PKIB: variants seen among roughly 807,000 people sequenced by gnomAD.
The protein encoded by PKIB is PKI-beta.
Under a neutral mutation model 4.5 loss-of-function variants are expected in PKIB, and 2 were observed. The ratio of observed to expected loss-of-function variants is 0.44; its 90% CI spans 0.18 to 1.39. The LOEUF (loss-of-function observed/expected upper bound fraction) is 1.39, where lower values mean the gene tolerates loss of function less well. Among genes scored for constraint, PKIB ranks in the 40% most tolerant of loss-of-function variants. The pLI, the probability that PKIB is intolerant of heterozygous loss-of-function variation, is 0.27. For missense variants in PKIB, 94 were observed against 92.6 expected (o/e 1.02, Z -0.06); for synonymous variants, 38 against 36.0 (o/e 1.06, Z -0.20).
intron 2 of PKIB, chr6:122,481,668 GTGTGTGTGTGTT>G (rs1350646800): frequency 6.6e-6 from 1 of 151,932 alleles, no homozygotes; most frequent in African/African-American, 2.4e-5. Context: ...CAGTATGTAT[GTGTGTGTGTGTT>G]TGTGTGTGTA....
intron 3 of PKIB, among the ~76,000 whole-genome samples, chr6:122,602,971 A>G (rs901924886): frequency 6.7e-6 from 1 of 149,152 alleles, no homozygotes; most frequent in Non-Finnish European, 1.5e-5. Context: ...AAAAAAAAAA[A>G]AAAAAAATAG....
intron 2 of PKIB, among the ~76,000 whole-genome samples, chr6:122,538,777 C>A (rs1156669021): frequency 6.6e-6 from 1 of 152,060 alleles, no homozygotes; most frequent in Non-Finnish European, 1.5e-5. Context: ...GGCAATATGG[C>A]CATTTTCACA....
rs182726900 is a variant in PKIB, at chr6:122,536,187, G to T, written c.-247-49734G>T. On this transcript the variant is annotated intron_variant, in intron 2 of 6. Transcript: ENST00000392491. ...ACTCGTGACCTCAAGTGATCCACCT[G>T]CCTTGGCCTCCCAAAGTGTTAAGAT... is the stretch of plus-strand genomic sequence containing the variant. Among the ~76,000 whole-genome samples, 547 of 152,234 alleles carry T rather than the reference G, an allele frequency of 3.6e-3. 4 individuals are homozygous for T. Among genetic ancestry groups the T allele is most frequent in the African/African-American group, 0.012 (506 of 41,546 alleles).
At chr6:122,497,779 C>T (rs912416045) in intron 2 of PKIB, among the ~76,000 whole-genome samples, 2 of 152,082 alleles carry the variant, frequency 1.3e-5, no homozygotes, top group Admixed American at 6.6e-5. Context: ...CTTTACCATT[C>T]CACTGATGGC....
chr6:122,676,786 T>C (rs921118477), intron 3 of PKIB, among the ~76,000 whole-genome samples: 3 of 152,344 alleles, frequency 2.0e-5, no homozygotes, highest in South Asian at 4.1e-4. Context: ...AAAAGGTGCA[T>C]TAAATGTTTA....
intron 2 of PKIB, among the ~76,000 whole-genome samples, chr6:122,641,973 G>A (rs552850938): frequency 2.0e-5 from 3 of 152,300 alleles, no homozygotes; most frequent in Admixed American, 1.3e-4. Context: ...GATTGCAGGC[G>A]TGAGCCACAG....
In PKIB at chr6:122,479,936, T is replaced by C. The variant is rs377375657; in HGVS notation, c.-248+1997T>C. On this transcript the variant is annotated intron_variant, in intron 2 of 6. Transcript: ENST00000392491. ...AGGTCCAACAGAGCTTAAAGGTATA[T>C]AGAAAAAATAATAGAAAGTTAAAAA... is the stretch of plus-strand genomic sequence containing the variant. 3.3e-5 allele frequency: 5 copies of C among 151,740 alleles called. No individual in the cohort carries two copies. In the East Asian group the frequency reaches 5.8e-4, roughly 18 times the overall value. 9.4% of individuals were successfully genotyped at this position (151,740 alleles called of 1,614,324 possible). A position where few individuals can be genotyped will look rare whatever the true frequency, so the allele number is the denominator to read the frequency against.
chr6:122,670,168 C>CTGGAAGTGGAGTATATCACTT (rs761677691), intron 2 of PKIB, among the ~76,000 whole-genome samples: 1 of 151,978 alleles, frequency 6.6e-6, no homozygotes, highest in East Asian at 1.9e-4. Context: ...AGTATGTAAC[C>CTGGAAGTGGAGTATATCACTT]TGGAAGTGGA....
chr6:122,492,368 G>A (rs1775962255), intron 2 of PKIB, among the ~76,000 whole-genome samples: 2 of 152,100 alleles, frequency 1.3e-5, no homozygotes, highest in African/African-American at 4.8e-5. Flanking sequence ...CTTAGGGAAC[G>A]TGTGCCTTTT....
intron 3 of PKIB, among the ~76,000 whole-genome samples, chr6:122,680,065 TTA>T (rs1243712397): frequency 1.3e-5 from 2 of 152,218 alleles, no homozygotes; most frequent in Admixed American, 1.3e-4. Context: ...ACTTGGGACT[TTA>T]TGGATTGTTA....
chr6:122,716,570 T>C (rs13199585), intron 3 of PKIB, among the ~76,000 whole-genome samples: 46,025 of 151,974 alleles, frequency 0.3, 8,198 homozygotes, highest in Non-Finnish European at 0.41. Flanking sequence ...TCCAAACTAT[T>C]CCTGGACTCC....
chr6:122,578,837 C>T (rs1309039048), intron 2 of PKIB, among the ~76,000 whole-genome samples: 2 of 152,124 alleles, frequency 1.3e-5, no homozygotes, highest in Non-Finnish European at 2.9e-5. Context: ...GGTCAGTTAC[C>T]CTCATGCTGT....
chr6:122,542,924 C>T (rs1777653332), intron 2 of PKIB, among the ~76,000 whole-genome samples: 1 of 151,892 alleles, frequency 6.6e-6, no homozygotes, highest in South Asian at 2.1e-4. Flanking sequence ...ATGGCAGGCG[C>T]CCCTCCCCCA....
chr6:122,510,415 T>C (rs558759109), intron 2 of PKIB, among the ~76,000 whole-genome samples: 2 of 152,342 alleles, frequency 1.3e-5, no homozygotes, highest in African/African-American at 2.4e-5. Context: ...TTCAATGATA[T>C]CTGGCTGTAG....
At chr6:122,525,884 C>T (rs1474927048) in intron 2 of PKIB, among the ~76,000 whole-genome samples, 2 of 152,122 alleles carry the variant, frequency 1.3e-5, no homozygotes, top group South Asian at 2.1e-4. Context: ...TTCCCTGTAG[C>T]ATGCAATGCT....
intron 2 of PKIB, among the ~76,000 whole-genome samples, chr6:122,552,986 T>C (rs1213066729): frequency 6.6e-6 from 1 of 152,176 alleles, no homozygotes; most frequent in African/African-American, 2.4e-5. Flanking sequence ...TTTTTTTTTA[T>C]TTCTTACTAA....
chr6:122,565,031 G>T (rs992031180), intron 2 of PKIB, among the ~76,000 whole-genome samples: 2 of 152,150 alleles, frequency 1.3e-5, no homozygotes, highest in African/African-American at 4.8e-5. Context: ...CTTAGTATTA[G>T]ACCTCAATGG....
At chr6:122,503,068 A>G (rs1274634568) in intron 2 of PKIB, among the ~76,000 whole-genome samples, 2 of 152,176 alleles carry the variant, frequency 1.3e-5, no homozygotes, top group Non-Finnish European at 2.9e-5. Flanking sequence ...CATGTAGTGA[A>G]AGAGGGAAGT....
At chr6:122,704,951 G>A (rs1433637657) in intron 3 of PKIB, among the ~76,000 whole-genome samples, 3 of 152,206 alleles carry the variant, frequency 2.0e-5, no homozygotes, top group Middle Eastern at 3.4e-3. Context: ...CTAACTATTC[G>A]GGAGGCAGAC....
Sources: allele counts gnomAD v4.1 joint callset (sites outside exome capture counted in the v4.1 genomes callset), GRCh38; gene constraint gnomAD v4.1.1; transcripts MANE v1.5; gene names NCBI Gene and HGNC (gene_info 2026-07-23, HGNC 2026-07-21).